VPS13C: variants seen among roughly 807,000 people sequenced by gnomAD.
VPS13C encodes vacuolar protein sorting 13 homolog C, also known as intermembrane lipid transfer protein VPS13C.
VPS13C carries 358 observed loss-of-function variants against 456.8 expected under a neutral mutation model. The observed-to-expected ratio is 0.78, with a 90% CI of 0.72 to 0.86. The LOEUF (loss-of-function observed/expected upper bound fraction) is 0.86, where lower values mean the gene tolerates loss of function less well. Among genes scored for constraint, VPS13C ranks in the 40% least tolerant of loss-of-function variants. The pLI, the probability that VPS13C is intolerant of heterozygous loss-of-function variation, is 0.00. For missense variants in VPS13C, 4,818 were observed against 4,385.4 expected (o/e 1.10, Z -2.79); for synonymous variants, 1,578 against 1,486.7 (o/e 1.06, Z -1.41).
intron 72 of VPS13C, 54 bp downstream of exon 72, chr15:61,880,789 G>C (rs1895789429): frequency 1.3e-6 from 2 of 1,545,676 alleles, no homozygotes; most frequent in Non-Finnish European, 1.7e-6. Flanking sequence ...TTCAAAAGAG[G>C]CTGATTTAAA....
intron 80 of VPS13C, 53 bp from the exon 81 acceptor site, chr15:61,868,826 T>C (rs983979821): frequency 4.3e-6 from 6 of 1,383,688 alleles, no homozygotes; most frequent in Middle Eastern, 1.8e-4. Context: ...TCTTTCAAAA[T>C]AATGTGTGTG....
At chr15:61,939,255 T>C (rs1165984578) in intron 47 of VPS13C, among the ~76,000 whole-genome samples, 3 of 152,224 alleles carry the variant, frequency 2.0e-5, no homozygotes, top group African/African-American at 7.2e-5. Flanking sequence ...TCCTGGGATC[T>C]AACCTCTTGG....
At chr15:62,008,238 TA>T (rs1417149380) in intron 14 of VPS13C, among the ~76,000 whole-genome samples, 1 of 150,658 alleles carries the variant, frequency 6.6e-6, no homozygotes, top group Non-Finnish European at 1.5e-5. Context: ...CTCAAAAAAA[TA>T]AAAATACAAA....
At chr15:61,972,842 A>C in intron 26 of VPS13C, 78 bp from the exon 27 acceptor site, 1 of 1,417,650 alleles carries the variant, frequency 7.1e-7, no homozygotes, top group Non-Finnish European at 9.5e-7. Context: ...CTAAATCTCT[A>C]AAAAGTGAAA....
intron 35 of VPS13C, among the ~76,000 whole-genome samples, chr15:61,961,130 T>C (rs1271465563): frequency 6.6e-6 from 1 of 151,506 alleles, no homozygotes; most frequent in African/African-American, 2.4e-5. Flanking sequence ...GGCTCACACC[T>C]GTAATCCCAG....
rs1395679770 is a variant in VPS13C, at chr15:61,856,328, A to T, written c.11034T>A (p.Phe3678Leu). 1 of 1,613,406 alleles carries T rather than the reference A, an allele frequency of 6.2e-7. No individual in the cohort carries two copies. Among genetic ancestry groups the T allele is most frequent in the Admixed American group, 1.7e-5 (1 of 59,968 alleles). The change falls in exon 83 of 85, where the codon TTT becomes TTA. Residue 3678 changes from phenylalanine to leucine, a missense_variant. This residue lies in a region of VPS13C where 261 missense variants were observed against 234.1 expected (regional missense o/e 1.11). Transcript: ENST00000644861. The part of the protein sequence containing the change: ...DWQCPFEDFV[F>L]PPSVSENVLK... ...GCACATTTTCACTGACACTAGGAGG[A>T]AATACAAAATCTTCAAATGGACATT... is the stretch of plus-strand genomic sequence containing the variant.
chr15:61,854,490 T>C lies in VPS13C; in HGVS notation c.11229A>G (p.Ser3743=), dbSNP rs907177790. The change falls in exon 85 of 85, where the codon TCA becomes TCG. Residue 3743 remains serine (S), a synonymous_variant. Coordinates refer to ENST00000644861, the MANE Select transcript of VPS13C (RefSeq NM_020821.3). The stretch of plus-strand genomic sequence containing the variant: ...GCAATTGGGGTCTGAGAAGTCTCAC[T>C]GATGACTGCTTCATCAATTTTTGCT... ...RQQQKLMKQS[S]VRLLRPQLPS is the part of the protein sequence containing the mutation. 2 of 1,614,202 alleles carry C rather than the reference T, an allele frequency of 1.2e-6. No individual in the cohort carries two copies. Among genetic ancestry groups the C allele is most frequent in the Admixed American group, 3.3e-5 (2 of 60,030 alleles).
intron 60 of VPS13C, 149 bp from the exon 61 acceptor site, chr15:61,916,171 C>T: frequency 1.0e-6 from 1 of 963,506 alleles, no homozygotes; most frequent in South Asian, 2.0e-5. Context: ...TACAAATGTC[C>T]AGTACTCACC....
chr15:61,865,590 G>T, intron 81 of VPS13C: 2 of 650,734 alleles, frequency 3.1e-6, no homozygotes, highest in Non-Finnish European at 1.9e-6. Flanking sequence ...GTGTATATGT[G>T]TGTGTATATA....
chr15:61,942,024 G>A lies in VPS13C; in HGVS notation c.5192C>T (p.Thr1731Ile), dbSNP rs2044444282. 5 of 1,610,910 alleles carry A rather than the reference G, an allele frequency of 3.1e-6. No individual in the cohort carries two copies. The highest frequency in any genetic ancestry group is 1.3e-5 in the African/African-American group (1 of 74,840). ...NFQTAKEALS[T>I]ATVQAAERAA... is the part of the protein sequence containing the mutation. ...TCTTTCTGCAGCCTGGACTGTGGCT[G>A]TACTCAAAGCTTCTTTAGCAGTTTG... The change falls in exon 46 of 85, where the codon ACA (threonine) becomes ATA (isoleucine). Residue 1731 changes from threonine (T) to isoleucine (I), a missense_variant. Around this residue, in one of 3 missense-constraint regions of VPS13C, gnomAD observed 4,552 missense variants for 4,130.6 expected, o/e 1.10. Transcript: ENST00000644861.
chr15:61,924,856 A>G (rs1207714894), intron 53 of VPS13C, among the ~76,000 whole-genome samples: 2 of 152,242 alleles, frequency 1.3e-5, no homozygotes, highest in Non-Finnish European at 2.9e-5. Context: ...GTGCAAACAG[A>G]GAAATAGATT....
At chr15:61,982,664 T>C (rs2045923472) in intron 20 of VPS13C, 91 bp from the exon 21 acceptor site, 2 of 771,440 alleles carry the variant, frequency 2.6e-6, no homozygotes, top group African/African-American at 1.7e-5. Context: ...TAAACAGCTG[T>C]AGCTTTGAAC....
intron 62 of VPS13C, among the ~76,000 whole-genome samples, chr15:61,912,446 G>A (rs898069245): frequency 4.6e-5 from 7 of 152,170 alleles, no homozygotes; most frequent in African/African-American, 1.7e-4. Flanking sequence ...GGCAAGGGGT[G>A]GTACAGAATA....
Position 61,853,839 on chromosome 15 carries a change from G to A in VPS13C, c.*618C>T, listed in dbSNP as rs1893765410. 1 of 150,798 alleles carries A rather than the reference G, an allele frequency of 6.6e-6. No individual in the cohort carries two copies. The highest frequency in any genetic ancestry group is 1.5e-5 in the Non-Finnish European group (1 of 68,200). The allele number at this position is 150,798 out of a possible 1,614,324, so 9.3% of individuals were successfully genotyped here. A position where few individuals can be genotyped will look rare whatever the true frequency, so the allele number is the denominator to read the frequency against. The stretch of plus-strand genomic sequence containing the variant: ...TCACAAGGTCAGGAGTTCGAGACTA[G>A]ACTGACCAACATGGTGAAACTCATC... On this transcript the variant is annotated 3_prime_UTR_variant, in exon 85 of 85. Transcript: ENST00000644861.
At chr15:62,016,604 T>A (rs1328521878) in intron 9 of VPS13C, among the ~76,000 whole-genome samples, 1 of 151,970 alleles carries the variant, frequency 6.6e-6, no homozygotes, top group Non-Finnish European at 1.5e-5. Context: ...CATGAACTCA[T>A]CATTTTTTAT....
chr15:61,869,094 T>C (rs898011777), intron 80 of VPS13C, among the ~76,000 whole-genome samples: 1 of 150,996 alleles, frequency 6.6e-6, no homozygotes, highest in Non-Finnish European at 1.5e-5. Context: ...CCATAAAATA[T>C]GTCTCTTTTC....
rs199561561 is a variant in VPS13C at position 61,894,994 on chromosome 15, CA to C, written c.9106-4595del. ...GCCACAAAACAAGTCTCAAAAAATT[CA>C]AAAAAGTTAAAATTATATCAAGTAT... On this transcript the variant is annotated intron_variant, in intron 66 of 84. Transcript: ENST00000644861. 7.9e-3 allele frequency among the ~76,000 whole-genome samples: 1,197 copies of C among 152,162 alleles called. 13 individuals are homozygous for C. Among genetic ancestry groups the C allele is most frequent in the African/African-American group, 0.027 (1,128 of 41,538 alleles).
At position 62,008,781 on chromosome 15, in the gene VPS13C, A is replaced by T; in HGVS notation, c.1012-20T>A. ...TAAGTACTGTTAAAACAAAAATAAA[A>T]TTATATTTATTACACTGTATATATA... On this transcript the variant is annotated intron_variant, in intron 13 of 84. Transcript: ENST00000644861. 7.2e-7 allele frequency: 1 copy of T among 1,379,640 alleles called. No individual in the cohort carries two copies. The highest frequency in any genetic ancestry group is 9.9e-7 in the Non-Finnish European group (1 of 1,008,200). The allele number at this position is 1,379,640 out of a possible 1,614,324, so 85.5% of individuals were successfully genotyped here.
intron 9 of VPS13C, among the ~76,000 whole-genome samples, chr15:62,019,594 T>C (rs1023836653): frequency 6.6e-6 from 1 of 151,986 alleles, no homozygotes; most frequent in Non-Finnish European, 1.5e-5. Flanking sequence ...TGTAGTTGAG[T>C]GGTTTTGAGT....
Sources: allele counts gnomAD v4.1 joint callset (sites outside exome capture counted in the v4.1 genomes callset), GRCh38; gene constraint gnomAD v4.1.1; regional missense constraint gnomAD v4.1.1; transcripts MANE v1.5; gene names NCBI Gene and HGNC (gene_info 2026-07-23, HGNC 2026-07-21).